PCCA: variants seen among roughly 807,000 people sequenced by gnomAD.
PCCA encodes propionyl-CoA carboxylase alpha chain, mitochondrial.
In PCCA, 74 loss-of-function variants were observed where a neutral mutation model predicts 101.3. The observed-to-expected ratio is 0.73, with a 90% CI of 0.61 to 0.89. PCCA has a LOEUF of 0.89. PCCA is among the 40% of genes least tolerant of loss of function. PCCA has a pLI of 0.00. For missense variants in PCCA, 891 were observed against 907.0 expected (o/e 0.98, Z 0.23); for synonymous variants, 294 against 313.6 (o/e 0.94, Z 0.66).
At chr13:100,180,802 C>T (rs2056727231) in intron 6 of PCCA, among the ~76,000 whole-genome samples, 1 of 152,242 alleles carries the variant, frequency 6.6e-6, no homozygotes, top group Admixed American at 6.5e-5. Flanking sequence ...TGTTTGCACA[C>T]AAATACTCAA....
At chr13:100,464,762 C>A (rs572556100) in intron 21 of PCCA, among the ~76,000 whole-genome samples, 3 of 152,164 alleles carry the variant, frequency 2.0e-5, no homozygotes, top group African/African-American at 7.2e-5. Context: ...AAGAATCTTG[C>A]GAATCACCAA....
intron 17 of PCCA, among the ~76,000 whole-genome samples, chr13:100,338,146 CTGG>C (rs1274326068): frequency 6.6e-6 from 1 of 152,174 alleles, no homozygotes; most frequent in Admixed American, 6.5e-5. Context: ...AGTCAGTCTG[CTGG>C]TGAAGTGCAC....
At position 100,105,932 on chromosome 13, in the gene PCCA, G is replaced by A. The variant is rs111829125; in HGVS notation, c.183+2972G>A. Reference sequence around the variant, plus strand: ...GTCATTGAGGAAGTTTGTGGTATTCGTCAATATATGTTATTGGCTATTGCT... The same window carrying A: ...GTCATTGAGGAAGTTTGTGGTATTCATCAATATATGTTATTGGCTATTGCT... On this transcript the variant is annotated intron_variant, in intron 2 of 23. Transcript: ENST00000376285. 9.1e-3 allele frequency among the ~76,000 whole-genome samples: 1,355 copies of A among 149,650 alleles called. 23 individuals carry two copies. Among genetic ancestry groups the A allele is most frequent in the African/African-American group, 0.023 (940 of 40,712 alleles).
At chr13:100,271,609 T>G (rs891638117) in intron 11 of PCCA, among the ~76,000 whole-genome samples, 3 of 152,134 alleles carry the variant, frequency 2.0e-5, no homozygotes, top group African/African-American at 7.2e-5. Flanking sequence ...CAAAAGCCAA[T>G]CAAATGCAGT....
At chr13:100,100,502 C>T (rs561243674) in intron 1 of PCCA, among the ~76,000 whole-genome samples, 1 of 152,322 alleles carries the variant, frequency 6.6e-6, no homozygotes, top group African/African-American at 2.4e-5. Flanking sequence ...ACATGCTTAA[C>T]AAAAACAACA....
chr13:100,135,567 C>A (rs972464687), intron 4 of PCCA, among the ~76,000 whole-genome samples: 1 of 152,016 alleles, frequency 6.6e-6, no homozygotes, highest in Non-Finnish European at 1.5e-5. Context: ...TCGTAGGTTC[C>A]TTGGGGTTGT....
intron 14 of PCCA, chr13:100,305,739 A>AT (rs1484598774): frequency 8.0e-6 from 3 of 374,384 alleles, no homozygotes; most frequent in African/African-American, 2.2e-5. Context: ...TGCTCCATTA[A>AT]TTTTTTTCTA....
intron 12 of PCCA, among the ~76,000 whole-genome samples, chr13:100,276,213 CAAAAAAAAAAAAAAA>C (rs59671834): frequency 0.16 from 16,806 of 102,874 alleles, 1,327 homozygotes; most frequent in Non-Finnish European, 0.2. Flanking sequence ...TTGTCTGTAC[CAAAAAAAAAAAAAAA>C]AAAAAAAAAA....
chr13:100,143,351 T>C (rs758661134), intron 4 of PCCA, among the ~76,000 whole-genome samples: 17 of 151,604 alleles, frequency 1.1e-4, no homozygotes, highest in Admixed American at 7.9e-4. Context: ...ACCAACATGG[T>C]GAAACCCCGT....
chr13:100,116,296 T>G (rs2152289307), intron 4 of PCCA, among the ~76,000 whole-genome samples: 1 of 152,362 alleles, frequency 6.6e-6, no homozygotes, highest in Non-Finnish European at 1.5e-5. Context: ...TAAATACTAT[T>G]CCAGTAGGAA....
intron 21 of PCCA, among the ~76,000 whole-genome samples, chr13:100,476,340 AG>A (rs1288559214): frequency 1.3e-5 from 2 of 152,250 alleles, no homozygotes; most frequent in Non-Finnish European, 2.9e-5. Context: ...TATTTGTCAA[AG>A]CTTCAAATAC....
intron 21 of PCCA, among the ~76,000 whole-genome samples, chr13:100,511,252 G>A (rs930847748): frequency 2.0e-5 from 3 of 152,094 alleles, no homozygotes; most frequent in African/African-American, 4.8e-5. Flanking sequence ...TGCATTTCGC[G>A]CTTTCCATCA....
At chr13:100,486,789 C>T (rs1167420000) in intron 21 of PCCA, among the ~76,000 whole-genome samples, 1 of 152,102 alleles carries the variant, frequency 6.6e-6, no homozygotes, top group Non-Finnish European at 1.5e-5. Flanking sequence ...TGTGATGATA[C>T]ATGCCCATGA....
intron 20 of PCCA, among the ~76,000 whole-genome samples, chr13:100,442,585 G>A (rs1227254434): frequency 1.3e-5 from 2 of 152,260 alleles, no homozygotes; most frequent in African/African-American, 2.4e-5. Context: ...TACATAGAAG[G>A]GAACGCCCAG....
At chr13:100,191,583 C>G (rs1046606995) in intron 6 of PCCA, among the ~76,000 whole-genome samples, 1 of 152,126 alleles carries the variant, frequency 6.6e-6, no homozygotes, top group Non-Finnish European at 1.5e-5. Context: ...CTCCACAGTC[C>G]CTGTTCTTAA....
chr13:100,155,809 C>T (rs2053826000), intron 5 of PCCA, among the ~76,000 whole-genome samples: 2 of 152,164 alleles, frequency 1.3e-5, no homozygotes, highest in Non-Finnish European at 2.9e-5. Context: ...TTAGCGCTCA[C>T]ATTTCTTTTG....
chr13:100,291,648 T>G (rs753944935), intron 12 of PCCA, among the ~76,000 whole-genome samples: 1 of 152,220 alleles, frequency 6.6e-6, no homozygotes, highest in Admixed American at 6.5e-5. Context: ...TCTTGAAATA[T>G]TCTAAGTGAC....
Position 100,235,888 on chromosome 13 carries a change from T to C in PCCA, c.637+10T>C, listed in dbSNP as rs1255300376. ...ATTGCAAGGGAAATTGGTAAGTCCTTAAATTAACTTTGGTAGGATTTCTGT... is the reference window on the plus strand; with the variant it reads ...ATTGCAAGGGAAATTGGTAAGTCCTCAAATTAACTTTGGTAGGATTTCTGT... On this transcript the variant is annotated intron_variant, in intron 8 of 23. Transcript: ENST00000376285. The C allele has an allele frequency of 3.8e-6, 6 of 1,575,788 alleles. No individual in the cohort carries two copies. Among genetic ancestry groups the C allele is most frequent in the Non-Finnish European group, 5.2e-6 (6 of 1,144,982 alleles).
intron 22 of PCCA, chr13:100,527,315 G>A (rs566555681): frequency 2.4e-4 from 116 of 476,804 alleles, no homozygotes; most frequent in Non-Finnish European, 4.2e-4. Flanking sequence ...GAGTCTGTCT[G>A]TAGAGATCTG....
Sources: allele counts gnomAD v4.1 joint callset (sites outside exome capture counted in the v4.1 genomes callset), GRCh38; gene constraint gnomAD v4.1.1; transcripts MANE v1.5; gene names NCBI Gene and HGNC (gene_info 2026-07-23, HGNC 2026-07-21).